The following DIAPH3 variants were observed in gnomAD, a reference collection of about 807,000 sequenced individuals.
The protein encoded by DIAPH3 is diaphanous related formin 3, also known as protein diaphanous homolog 3.
In DIAPH3, 117 loss-of-function variants were observed where a neutral mutation model predicts 144.3. That is an observed-to-expected ratio of 0.81 (90% confidence interval 0.70 to 0.95). The LOEUF (loss-of-function observed/expected upper bound fraction) is 0.95. Among genes scored for constraint, DIAPH3 ranks in the 40% least tolerant of loss-of-function variants. The pLI is 0.00. For synonymous variants in DIAPH3, 519 were observed against 488.9 expected (o/e 1.06, Z -0.81); for missense variants, 1,421 against 1,412.7 (o/e 1.01, Z -0.09).
At chr13:59,800,971 T>G (rs942558947) in intron 25 of DIAPH3, among the ~76,000 whole-genome samples, 3 of 152,304 alleles carry the variant, frequency 2.0e-5, no homozygotes, top group Admixed American at 2.0e-4. Flanking sequence ...GTCCTTTTTT[T>G]GAGAGAAGAG....
chr13:59,859,565 A>G (rs1232088096), intron 22 of DIAPH3, among the ~76,000 whole-genome samples: 1 of 152,132 alleles, frequency 6.6e-6, no homozygotes, highest in Non-Finnish European at 1.5e-5. Flanking sequence ...TTTCCCCAGG[A>G]AAAAAACTCC....
chr13:60,147,821 T>A (rs1326564023), intron 1 of DIAPH3, among the ~76,000 whole-genome samples: 1 of 152,168 alleles, frequency 6.6e-6, no homozygotes, highest in Non-Finnish European at 1.5e-5. Flanking sequence ...GGAGAGAAAC[T>A]GAAGGGTTTT....
intron 4 of DIAPH3, among the ~76,000 whole-genome samples, chr13:60,049,189 T>C (rs1712947125): frequency 6.6e-6 from 1 of 152,186 alleles, no homozygotes; most frequent in South Asian, 2.1e-4. Context: ...GTTCTATTTA[T>C]ATGAAAAACC....
chr13:59,839,409 C>T lies in DIAPH3; in HGVS notation c.2777G>A (p.Gly926Glu). ...CTTCTCAAGCTGTTGAAGCTGCCTT[C>T]CCATCTGCCTCAAATTCTTTTCCAG... ...ETLEKNLRQM[G>E]RQLQQLEKEL... is the part of the protein sequence containing the mutation. The change falls in exon 23 of 28, where the codon GGA becomes GAA. Residue 926 changes from glycine (G) to glutamate (E), a missense_variant. Gly to Glu is a moderately conservative substitution (Grantham distance 98). Coordinates refer to ENST00000400324, the MANE Select transcript of DIAPH3 (RefSeq NM_001042517.2). 1 of 1,613,712 alleles carries T rather than the reference C, an allele frequency of 6.2e-7. No homozygotes were observed. The highest frequency in any genetic ancestry group is 1.1e-5 in the South Asian group (1 of 91,078).
intron 25 of DIAPH3, among the ~76,000 whole-genome samples, chr13:59,810,495 T>C (rs2040418348): frequency 6.6e-6 from 1 of 152,186 alleles, no homozygotes; most frequent in Non-Finnish European, 1.5e-5. Context: ...CTGACATACA[T>C]TATTAAAGAT....
chr13:60,065,029 G>A (rs1788729897), intron 4 of DIAPH3, among the ~76,000 whole-genome samples: 2 of 152,076 alleles, frequency 1.3e-5, no homozygotes, highest in Non-Finnish European at 2.9e-5. Flanking sequence ...TCTAACATGG[G>A]TGTGGTTTGT....
At chr13:59,947,971 GAATT>G (rs1248086908) in intron 17 of DIAPH3, among the ~76,000 whole-genome samples, 1 of 152,042 alleles carries the variant, frequency 6.6e-6, no homozygotes. Flanking sequence ...AAATAAAATG[GAATT>G]AATATGATAA....
chr13:59,975,633 T>C (rs2050635978), intron 14 of DIAPH3, among the ~76,000 whole-genome samples: 2 of 152,076 alleles, frequency 1.3e-5, no homozygotes, highest in African/African-American at 4.8e-5. Context: ...CCATACTTTA[T>C]AGCTTTTGAA....
intron 27 of DIAPH3, among the ~76,000 whole-genome samples, chr13:59,763,820 C>T (rs1471469807): frequency 6.6e-6 from 1 of 151,860 alleles, no homozygotes; most frequent in Non-Finnish European, 1.5e-5. Flanking sequence ...TAAATGTTTT[C>T]CTCAAATGTT....
chr13:59,844,431 G>A (rs2042515073), intron 22 of DIAPH3, among the ~76,000 whole-genome samples: 3 of 150,394 alleles, frequency 2.0e-5, no homozygotes, highest in East Asian at 3.9e-4. Flanking sequence ...ATGAACCCGG[G>A]AGGCAAAGCT....
chr13:59,889,460 T>C (rs879769598), intron 20 of DIAPH3, among the ~76,000 whole-genome samples: 3 of 152,082 alleles, frequency 2.0e-5, no homozygotes, highest in Non-Finnish European at 4.4e-5. Flanking sequence ...CAATTTTTTT[T>C]ATAGTTTTCA....
chr13:60,117,738 T>C (rs533497887), intron 2 of DIAPH3, among the ~76,000 whole-genome samples: 47 of 152,096 alleles, frequency 3.1e-4, no homozygotes, highest in Non-Finnish European at 2.5e-4. Flanking sequence ...CAAGGTACAA[T>C]AGAACACTTG....
chr13:59,949,610 TAG>T (rs1397380773), intron 17 of DIAPH3, among the ~76,000 whole-genome samples: 3 of 152,202 alleles, frequency 2.0e-5, no homozygotes, highest in Non-Finnish European at 4.4e-5. Context: ...TTAGTTTATA[TAG>T]AGTCTGTGGC....
chr13:60,078,942 G>A (rs562046556), intron 4 of DIAPH3, among the ~76,000 whole-genome samples: 2 of 152,020 alleles, frequency 1.3e-5, no homozygotes, highest in South Asian at 4.1e-4. Context: ...ATGAAGCCAG[G>A]ATTAGAAAAG....
At chr13:60,045,179 AAAAG>A (rs2055984358) in intron 4 of DIAPH3, among the ~76,000 whole-genome samples, 2 of 151,994 alleles carry the variant, frequency 1.3e-5, no homozygotes, top group Non-Finnish European at 2.9e-5. Flanking sequence ...CATCTCTACT[AAAAG>A]TACAAAATTA....
chr13:59,832,927 A>G (rs1390181243), intron 24 of DIAPH3, 180 bp downstream of exon 24: 1 of 597,596 alleles, frequency 1.7e-6, no homozygotes, highest in Admixed American at 2.8e-5. Context: ...AATGTTGGAA[A>G]GGCCAAAAGG....
intron 2 of DIAPH3, among the ~76,000 whole-genome samples, chr13:60,118,533 C>A (rs1029450925): frequency 3.3e-5 from 5 of 151,994 alleles, no homozygotes; most frequent in Admixed American, 6.6e-5. Context: ...CAAATACATA[C>A]CTGAAATACA....
intron 1 of DIAPH3, among the ~76,000 whole-genome samples, chr13:60,159,413 G>A (rs1952181653): frequency 6.6e-6 from 1 of 151,932 alleles, no homozygotes; most frequent in Non-Finnish European, 1.5e-5. Flanking sequence ...ATCACTTGAG[G>A]TCAGGAGTTC....
chr13:59,816,058 A>G (rs1397632461), intron 24 of DIAPH3, among the ~76,000 whole-genome samples: 1 of 152,096 alleles, frequency 6.6e-6, no homozygotes. Flanking sequence ...GACTTGACTG[A>G]GAGAAATTTC....
Sources: allele counts gnomAD v4.1 joint callset (sites outside exome capture counted in the v4.1 genomes callset), GRCh38; gene constraint gnomAD v4.1.1; transcripts MANE v1.5; gene names NCBI Gene and HGNC (gene_info 2026-07-23, HGNC 2026-07-21).